The following SGCD variants were observed in gnomAD, a reference collection of about 807,000 sequenced individuals.
The protein encoded by SGCD is sarcoglycan delta.
Under a neutral mutation model 36.6 loss-of-function variants are expected in SGCD, and 18 were observed. That is an observed-to-expected ratio of 0.49 (90% CI 0.34 to 0.73). The LOEUF (loss-of-function observed/expected upper bound fraction) is 0.73. Ranked by LOEUF, SGCD falls within the 30% of genes least tolerant of loss-of-function variation. The pLI, the probability that SGCD is intolerant of heterozygous loss-of-function variation, is 0.01. For missense variants in SGCD, 387 were observed against 346.7 expected, an observed-to-expected ratio of 1.12 and a Z score of -0.92; for synonymous variants, 133 against 130.6, an observed-to-expected ratio of 1.02 and a Z score of -0.12.
chr5:156,570,216 C>T (rs778023070), intron 4 of SGCD, among the ~76,000 whole-genome samples: 57 of 152,068 alleles, frequency 3.7e-4, no homozygotes, highest in Non-Finnish European at 7.2e-4. Context: ...TTCTGTGTGG[C>T]ACTGTTGTTT....
chr5:156,685,772 T>A lies in SGCD; in HGVS notation c.575+38236T>A, dbSNP rs939271413. Among the ~76,000 whole-genome samples the A allele has an allele frequency of 2.6e-5, 4 of 152,332 alleles. No individual in the cohort carries two copies. The East Asian group carries it at 7.7e-4, about 29-fold the overall frequency. On this transcript the variant is annotated intron_variant, in intron 7 of 8. Transcript: ENST00000337851. ...TTAACAAATGTTTAGTGAAGTGAAG[T>A]CAAGCTGGGCTGATGTTCTTTTATG... is the stretch of plus-strand genomic sequence containing the variant.
intron 1 of SGCD, among the ~76,000 whole-genome samples, chr5:155,921,001 A>C (rs1455656821): frequency 6.6e-6 from 1 of 152,170 alleles, no homozygotes; most frequent in Non-Finnish European, 1.5e-5. Context: ...GGGGGTGATA[A>C]CAGTGAAAAG....
intron 7 of SGCD, among the ~76,000 whole-genome samples, chr5:156,749,965 A>T (rs533922025): frequency 8.0e-6 from 1 of 125,432 alleles, no homozygotes; most frequent in Non-Finnish European, 2.0e-5. Context: ...GCAAATTACC[A>T]AAAAAAATGA....
chr5:156,237,951 ATTT>A (rs368855099), intron 3 of SGCD, among the ~76,000 whole-genome samples: 1 of 143,402 alleles, frequency 7.0e-6, no homozygotes, highest in Non-Finnish European at 1.5e-5. Context: ...GGATAAGATG[ATTT>A]TTTTTTTTTT....
intron 1 of SGCD, among the ~76,000 whole-genome samples, chr5:155,877,561 C>T (rs1755793467): frequency 6.6e-6 from 1 of 152,078 alleles, no homozygotes; most frequent in South Asian, 2.1e-4. Flanking sequence ...AGTAAGCACT[C>T]AACAGTTGGT....
chr5:156,367,765 A>G (rs1770181492), intron 3 of SGCD, among the ~76,000 whole-genome samples: 2 of 152,180 alleles, frequency 1.3e-5, no homozygotes, highest in Non-Finnish European at 2.9e-5. Context: ...AGCCTCGCTG[A>G]TGACTATGCC....
chr5:156,402,616 C>A (rs1336819616), intron 3 of SGCD, among the ~76,000 whole-genome samples: 1 of 152,204 alleles, frequency 6.6e-6, no homozygotes, highest in African/African-American at 2.4e-5. Flanking sequence ...GCTCTACTTG[C>A]TTGTTCATAC....
At chr5:155,729,235 C>T in the SGCD span, among the ~76,000 whole-genome samples, 7 of 152,240 alleles carry the variant, frequency 4.6e-5, no homozygotes, top group Non-Finnish European at 8.8e-5. Context: ...TCGCTGACTT[C>T]CTCACCAACG....
chr5:156,295,564 G>A (rs1208473691), intron 3 of SGCD, among the ~76,000 whole-genome samples: 1 of 151,348 alleles, frequency 6.6e-6, no homozygotes, highest in African/African-American at 2.4e-5. Flanking sequence ...CTTCCATTTG[G>A]TCTGGAGGTC....
chr5:155,796,212 C>T, the SGCD span, among the ~76,000 whole-genome samples: 1 of 152,094 alleles, frequency 6.6e-6, no homozygotes, highest in Non-Finnish European at 1.5e-5. Flanking sequence ...TAAACCAAGC[C>T]TTATCACATA....
rs79709023 is a variant in SGCD, at chr5:155,897,278, G to T, written c.-282+26854G>T. Among the ~76,000 whole-genome samples, 92 of 152,198 alleles carry T rather than the reference G, an allele frequency of 6.0e-4. 2 individuals carry two copies. The East Asian group carries it at 0.017, about 27-fold the overall frequency. ...GTATTTATTTATCTAAGCAGAAAAT[G>T]TACTATAAAAATATGATATAATGGT... On this transcript the variant is annotated intron_variant, in intron 1 of 9. Coordinates refer to the SGCD transcript ENST00000517913.
the SGCD span, among the ~76,000 whole-genome samples, chr5:155,827,492 A>G: frequency 1.3e-5 from 2 of 152,066 alleles, no homozygotes; most frequent in South Asian, 2.1e-4. Flanking sequence ...CAGTCACCCA[A>G]GGAGTAAAGA....
chr5:156,636,551 TAACTG>T (rs1762833045), intron 6 of SGCD, among the ~76,000 whole-genome samples: 1 of 152,122 alleles, frequency 6.6e-6, no homozygotes, highest in African/African-American at 2.4e-5. Context: ...CAATTGGTGA[TAACTG>T]AAGGGAAACC....
At chr5:155,877,544 A>C (rs1459611325) in intron 1 of SGCD, among the ~76,000 whole-genome samples, 1 of 152,162 alleles carries the variant, frequency 6.6e-6, no homozygotes, top group Non-Finnish European at 1.5e-5. Context: ...GACAGTGCCC[A>C]GTTCAGAGTA....
intron 7 of SGCD, among the ~76,000 whole-genome samples, chr5:156,736,489 TA>T (rs1264407797): frequency 1.3e-5 from 2 of 152,262 alleles, no homozygotes; most frequent in African/African-American, 2.4e-5. Context: ...GAGATTTCCA[TA>T]AAAAACACTT....
chr5:156,567,382 ATAG>A (rs775983193), intron 4 of SGCD, among the ~76,000 whole-genome samples: 900 of 37,062 alleles, frequency 0.024, 6 homozygotes, highest in Admixed American at 0.026. Context: ...AGATAAATAG[ATAG>A]ATAGATAGAT....
chr5:156,041,381 A>T (rs1007129801), intron 1 of SGCD, among the ~76,000 whole-genome samples: 1 of 152,158 alleles, frequency 6.6e-6, no homozygotes, highest in Admixed American at 6.6e-5. Flanking sequence ...ATGAGGAAGG[A>T]TAGGAGCACA....
chr5:156,524,133 T>C (rs1479336869), intron 4 of SGCD, among the ~76,000 whole-genome samples: 2 of 103,562 alleles, frequency 1.9e-5, no homozygotes, highest in South Asian at 3.0e-4. Flanking sequence ...TATATATATA[T>C]ATATATATAT....
the SGCD span, among the ~76,000 whole-genome samples, chr5:155,821,894 C>A: frequency 2.0e-5 from 3 of 152,030 alleles, no homozygotes; most frequent in Admixed American, 6.6e-5. Flanking sequence ...AACGATAATG[C>A]CTATCTTAGA....
Sources: allele counts gnomAD v4.1 joint callset (sites outside exome capture counted in the v4.1 genomes callset), GRCh38; gene constraint gnomAD v4.1.1; transcripts MANE v1.5; gene names NCBI Gene and HGNC (gene_info 2026-07-23, HGNC 2026-07-21).